ENTPD6: variants seen among roughly 807,000 people sequenced by gnomAD.
ENTPD6 encodes ectonucleoside triphosphate diphosphohydrolase 6.
A neutral mutation model predicts 61.5 loss-of-function variants in ENTPD6; 46 were observed. That is an observed-to-expected ratio of 0.75 (90% CI 0.59 to 0.96). The LOEUF (loss-of-function observed/expected upper bound fraction) is 0.96, where lower values mean the gene tolerates loss of function less well. ENTPD6 is among the 40% of genes least tolerant of loss of function. ENTPD6 has a pLI of 0.00. For missense variants in ENTPD6, 612 were observed against 629.0 expected, an observed-to-expected ratio of 0.97 and a Z score of 0.29; for synonymous variants, 252 against 255.5, an observed-to-expected ratio of 0.99 and a Z score of 0.13.
Position 25,209,858 on chromosome 20 carries a change from C to G in ENTPD6, c.386C>G (p.Thr129Arg), listed in dbSNP as rs545735578. ...CATGTTTTCCCCTTAGAAACTCCCA[C>G]GTTAACCCACGAAACCTTCAAAGCA... ...QFTRPPRETP[T>R]LTHETFKALK... is the part of the protein sequence containing the mutation. The change falls in exon 4 of 15, where the codon ACG becomes AGG. Residue 129 changes from threonine to arginine, a missense_variant. Coordinates refer to ENST00000376652, the MANE Select transcript of ENTPD6 (RefSeq NM_001247.5). The G allele has an allele frequency of 6.2e-7, 1 of 1,613,970 alleles. No homozygotes were observed. Among genetic ancestry groups the G allele is most frequent in the Non-Finnish European group, 8.5e-7 (1 of 1,179,794 alleles).
At chr20:25,213,817 G>T (rs560906199) in intron 5 of ENTPD6, among the ~76,000 whole-genome samples, 1 of 152,176 alleles carries the variant, frequency 6.6e-6, no homozygotes, top group South Asian at 2.1e-4. Context: ...GGGCATTGTG[G>T]CGCATGCCTG....
chr20:25,196,436 T>G (rs936048165), intron 1 of ENTPD6, among the ~76,000 whole-genome samples: 10 of 152,036 alleles, frequency 6.6e-5, no homozygotes, highest in Non-Finnish European at 1.5e-4. Flanking sequence ...ACTCCTTCAG[T>G]GGAAAACATT....
At chr20:25,208,964 T>G (rs1463061140) in intron 3 of ENTPD6, among the ~76,000 whole-genome samples, 1 of 152,090 alleles carries the variant, frequency 6.6e-6, no homozygotes, top group Non-Finnish European at 1.5e-5. Flanking sequence ...CTGCCCAGGC[T>G]GGAGTACAGT....
intron 4 of ENTPD6, among the ~76,000 whole-genome samples, chr20:25,210,892 A>G (rs895484254): frequency 6.6e-6 from 1 of 152,218 alleles, no homozygotes; most frequent in Admixed American, 6.5e-5. Context: ...CAGTAAGCTG[A>G]GATTGCGCCA....
At chr20:25,210,651 CGT>C (rs1168694269) in intron 4 of ENTPD6, among the ~76,000 whole-genome samples, 2 of 150,816 alleles carry the variant, frequency 1.3e-5, no homozygotes, top group Non-Finnish European at 3.0e-5. Flanking sequence ...AAGTTAAAAA[CGT>C]ATTACAGGCC....
intron 2 of ENTPD6, among the ~76,000 whole-genome samples, chr20:25,206,806 G>A (rs2091537665): frequency 6.6e-6 from 1 of 152,198 alleles, no homozygotes; most frequent in Admixed American, 6.5e-5. Context: ...AGAGGAGCCA[G>A]CCACTGTGGT....
chr20:25,213,135 C>A, intron 4 of ENTPD6, 128 bp from the exon 5 acceptor site: 1 of 1,079,358 alleles, frequency 9.3e-7, no homozygotes, highest in Non-Finnish European at 1.4e-6. Flanking sequence ...AGCCACTTCA[C>A]TCTAGCCTGG....
chr20:25,212,435 C>A (rs1017985519), intron 4 of ENTPD6, among the ~76,000 whole-genome samples: 1 of 152,226 alleles, frequency 6.6e-6, no homozygotes, highest in African/African-American at 2.4e-5. Flanking sequence ...AGTAGAACAG[C>A]AGGCTTATTC....
At chr20:25,222,544 G>A (rs890644889) in intron 11 of ENTPD6, 7 of 349,174 alleles carry the variant, frequency 2.0e-5, no homozygotes, top group South Asian at 1.6e-4. Flanking sequence ...ACAGGCCAGA[G>A]GCCACTGGTG....
chr20:25,212,305 G>A (rs2092019498), intron 4 of ENTPD6, among the ~76,000 whole-genome samples: 1 of 152,186 alleles, frequency 6.6e-6, no homozygotes, highest in Non-Finnish European at 1.5e-5. Context: ...TTAGTGCCAG[G>A]AGGGACCCCA....
chr20:25,222,758 T>A (rs559704912), intron 11 of ENTPD6, 80 bp from the exon 12 acceptor site: 203 of 1,555,660 alleles, frequency 1.3e-4, no homozygotes, highest in Middle Eastern at 4.6e-4. Flanking sequence ...GAGTCTCAAG[T>A]CCCCTGGGAG....
In ENTPD6 at chr20:25,222,975, A is replaced by G. The variant is rs2092688621; in HGVS notation, c.1183A>G (p.Ile395Val). 3 of 1,493,226 alleles carry G rather than the reference A, an allele frequency of 2.0e-6. No individual in the cohort carries two copies. The highest frequency in any genetic ancestry group is 1.8e-5 in the Admixed American group (1 of 55,992). The allele number at this position is 1,493,226 out of a possible 1,614,324, so 92.5% of individuals were successfully genotyped here. Residue 395 changes from isoleucine to valine, a missense_variant, in exon 12 of 15, where the codon ATA becomes GTA. Coordinates refer to ENST00000376652, the MANE Select transcript of ENTPD6 (RefSeq NM_001247.5). ...CGACCTTGCAGCTGGTGTGGGCCTCATAGGTAAGGGGGCCCGGATGGGCTG... is the reference window on the plus strand; with the variant it reads ...CGACCTTGCAGCTGGTGTGGGCCTCGTAGGTAAGGGGGCCCGGATGGGCTG... ...YYDLAAGVGL[I>V]DAEKGGSLVV...
intron 1 of ENTPD6, chr20:25,196,228 C>T (rs1446383905): frequency 3.5e-6 from 4 of 1,137,948 alleles, no homozygotes; most frequent in Non-Finnish European, 4.3e-6. Context: ...GGCGGGGAAG[C>T]TTCGCGTAGC....
In ENTPD6 at chr20:25,225,830, T is replaced by C. The variant is rs2092782935; in HGVS notation, c.*233T>C. 1 of 510,164 alleles carries C rather than the reference T, an allele frequency of 2.0e-6. No individual in the cohort carries two copies. Among genetic ancestry groups the C allele is most frequent in the Non-Finnish European group, 3.5e-6 (1 of 286,336 alleles). 31.6% of individuals were successfully genotyped at this position (510,164 alleles called of 1,614,324 possible). ...CCCTGCTCAATGCCACCTGTCTGCC[T>C]GGGCTCCAAGTGGGCAGGACCAGGA... On this transcript the variant is annotated 3_prime_UTR_variant, in exon 15 of 15. Transcript: ENST00000376652.
At position 25,207,370 on chromosome 20, in the gene ENTPD6, G is replaced by T; in HGVS notation, c.349G>T (p.Val117Phe). The T allele has an allele frequency of 6.5e-7, 1 of 1,541,856 alleles. No individual in the cohort carries two copies. Residue 117 changes from valine to phenylalanine, a missense_variant, in exon 3 of 15, where the codon GTC (valine) becomes TTC (phenylalanine). Physicochemically the swap from Val to Phe is conservative, Grantham distance 50 (BLOSUM62 -1). Transcript: ENST00000376652. Reference protein sequence around the residue: ...DAGSTGTRVHVFQFTRPPRET... With the variant: ...DAGSTGTRVHFFQFTRPPRET... ...AGGAAGCACTGGCACCCGAGTACAC[G>T]TCTTCCAGTTCACCCGGCCCCCCAG...
chr20:25,199,113 T>A (rs960580071), intron 1 of ENTPD6, among the ~76,000 whole-genome samples: 1 of 152,082 alleles, frequency 6.6e-6, no homozygotes, highest in Non-Finnish European at 1.5e-5. Flanking sequence ...TCTGGTTTTG[T>A]GTTGGGTGCT....
At chr20:25,210,128 C>G (rs1186724729) in intron 4 of ENTPD6, among the ~76,000 whole-genome samples, 1 of 152,220 alleles carries the variant, frequency 6.6e-6, no homozygotes, top group Admixed American at 6.5e-5. Flanking sequence ...CACCCGGCCC[C>G]ATCCTCTGAC....
At chr20:25,209,606 T>C (rs1417477581) in intron 3 of ENTPD6, among the ~76,000 whole-genome samples, 2 of 150,536 alleles carry the variant, frequency 1.3e-5, no homozygotes, top group Non-Finnish European at 3.0e-5. Flanking sequence ...TTATAATAAA[T>C]AATAATTTTA....
intron 11 of ENTPD6, 52 bp from the exon 12 acceptor site, chr20:25,222,786 G>A: frequency 6.2e-7 from 1 of 1,600,126 alleles, no homozygotes; most frequent in Non-Finnish European, 8.5e-7. Flanking sequence ...AAGCAGCTGT[G>A]AGGCCTGGGT....
Sources: allele counts gnomAD v4.1 joint callset (sites outside exome capture counted in the v4.1 genomes callset), GRCh38; gene constraint gnomAD v4.1.1; transcripts MANE v1.5; gene names NCBI Gene and HGNC (gene_info 2026-07-23, HGNC 2026-07-21).